The following TRIM33 variants were observed in gnomAD, a reference collection of about 807,000 sequenced individuals.
TRIM33 encodes tripartite motif containing 33, also known as E3 ubiquitin-protein ligase TRIM33.
TRIM33 carries 20 observed loss-of-function variants against 125.4 expected under a neutral mutation model. The observed-to-expected ratio is 0.16, with a 90% CI of 0.11 to 0.23. TRIM33 has a LOEUF of 0.23. TRIM33 is among the 10% of genes least tolerant of loss of function. The probability of loss-of-function intolerance (pLI) is 1.00; values close to 1 mark genes in which losing one functional copy is unlikely to be tolerated. For missense variants in TRIM33, 920 were observed against 1,411.4 expected (o/e 0.65, Z 5.58); for synonymous variants, 564 against 513.9 (o/e 1.10, Z -1.32).
chr1:114,504,950 C>A (rs184104966), intron 1 of TRIM33, among the ~76,000 whole-genome samples: 22 of 152,276 alleles, frequency 1.4e-4, no homozygotes, highest in Admixed American at 1.2e-3. Flanking sequence ...GTCACAAAGA[C>A]AACGGGGGGA....
intron 13 of TRIM33, 71 bp downstream of exon 13, chr1:114,408,606 T>A: frequency 1.0e-6 from 1 of 997,400 alleles, no homozygotes; most frequent in Non-Finnish European, 1.5e-6. Context: ...CACTGTAATA[T>A]TCTACTTTTA....
At position 114,402,995 on chromosome 1, in the gene TRIM33, AG is replaced by A. The variant is rs1159426534; in HGVS notation, c.2769-113del. 6 of 1,145,320 alleles carry A rather than the reference AG, an allele frequency of 5.2e-6. No individual in the cohort carries two copies. The African/African-American group carries it at 9.5e-5, about 18-fold the overall frequency. The allele number at this position is 1,145,320 out of a possible 1,614,324, so 70.9% of individuals were successfully genotyped here. ...ATTTTCTTAATAATTTTTTGAAAAA[AG>A]GGAGGTTTTATAGTTGTGAAATCTC... On this transcript the variant is annotated intron_variant, in intron 15 of 19. Transcript: ENST00000358465.
intron 4 of TRIM33, among the ~76,000 whole-genome samples, chr1:114,437,431 T>C (rs747812408): frequency 6.6e-6 from 1 of 152,174 alleles, no homozygotes; most frequent in African/African-American, 2.4e-5. Flanking sequence ...TTGTACCTCC[T>C]GGGTGCAAGC....
intron 11 of TRIM33, among the ~76,000 whole-genome samples, chr1:114,413,501 T>G (rs373687846): frequency 1.1e-4 from 16 of 142,528 alleles, no homozygotes; most frequent in Middle Eastern, 3.8e-3. Context: ...GAGGTTAAGG[T>G]GAGTCAAGAT....
Position 114,474,578 on chromosome 1 carries a change from T to TTAAA in TRIM33, c.527-10191_527-10190insTTTA, listed in dbSNP as rs367805199. On this transcript the variant is annotated intron_variant, in intron 1 of 19. Coordinates refer to ENST00000358465, the MANE Select transcript of TRIM33 (RefSeq NM_015906.4). ...GACTGAGCAAGACCTTGTCTCTATT[T>TTAAA]AAAAAAAAAAAAAAAAAAAAAAAGG... 3.8e-5 allele frequency among the ~76,000 whole-genome samples: 3 copies of TTAAA among 78,980 alleles called. No homozygotes were observed. In the Admixed American group the frequency reaches 4.7e-4, roughly 12 times the overall value. The allele number at this position is 78,980 out of a possible 152,430, so 51.8% of individuals were successfully genotyped here. A position where few individuals can be genotyped will look rare whatever the true frequency, so the allele number is the denominator to read the frequency against.
intron 1 of TRIM33, among the ~76,000 whole-genome samples, chr1:114,498,640 A>G (rs894432422): frequency 1.3e-5 from 2 of 152,192 alleles, no homozygotes; most frequent in East Asian, 1.9e-4. Context: ...TCAAAAAAAA[A>G]AGAAATGTAC....
intron 4 of TRIM33, among the ~76,000 whole-genome samples, chr1:114,461,465 A>G (rs1193196480): frequency 6.6e-6 from 1 of 151,604 alleles, no homozygotes; most frequent in African/African-American, 2.4e-5. Context: ...TCTGGACACC[A>G]AGCTGGCGAG....
chr1:114,503,108 G>T (rs928645927), intron 1 of TRIM33, among the ~76,000 whole-genome samples: 2 of 152,160 alleles, frequency 1.3e-5, no homozygotes, highest in East Asian at 3.8e-4. Context: ...AACTTAAGAA[G>T]AATATTTATT....
At chr1:114,406,265 C>T (rs1274101377) in intron 14 of TRIM33, among the ~76,000 whole-genome samples, 3 of 152,132 alleles carry the variant, frequency 2.0e-5, no homozygotes, top group African/African-American at 4.8e-5. Flanking sequence ...CGTAACAATA[C>T]TCCAAAACCA....
chr1:114,461,219 T>A (rs369465776), intron 4 of TRIM33, among the ~76,000 whole-genome samples: 40,723 of 140,544 alleles, frequency 0.29, 6,074 homozygotes, highest in African/African-American at 0.33. Flanking sequence ...TTTAAAAATA[T>A]ATATATATAT....
intron 10 of TRIM33, among the ~76,000 whole-genome samples, chr1:114,422,380 TG>T (rs1418223944): frequency 6.6e-6 from 1 of 152,192 alleles, no homozygotes; most frequent in African/African-American, 2.4e-5. Flanking sequence ...AAGGTGTACT[TG>T]GCCCCTAGAA....
At position 114,406,925 on chromosome 1, in the gene TRIM33, T is replaced by C. The variant is rs775747305; in HGVS notation, c.2418+16A>G. Reference sequence around the variant, plus strand: ...TGATGTCCTTAAGTCCCTGTCAGACTCCAGTGGGAGCTTACCATGCAAGCA... The same window carrying C: ...TGATGTCCTTAAGTCCCTGTCAGACCCCAGTGGGAGCTTACCATGCAAGCA... On this transcript the variant is annotated intron_variant, in intron 14 of 19. Coordinates refer to ENST00000358465, the MANE Select transcript of TRIM33 (RefSeq NM_015906.4). 2.6e-5 allele frequency: 42 copies of C among 1,611,836 alleles called. No individual in the cohort carries two copies. The highest frequency in any genetic ancestry group is 6.7e-5 in the Admixed American group (4 of 59,874).
At chr1:114,487,896 T>A (rs1651806927) in intron 1 of TRIM33, among the ~76,000 whole-genome samples, 1 of 94,738 alleles carries the variant, frequency 1.1e-5, no homozygotes, top group Admixed American at 1.7e-4. Context: ...AGAGCGAGAC[T>A]CCGTCTCAAA....
chr1:114,398,971 A>C (rs2101076992), intron 18 of TRIM33, among the ~76,000 whole-genome samples: 1 of 151,540 alleles, frequency 6.6e-6, no homozygotes, highest in African/African-American at 2.4e-5. Context: ...ACATAACCAA[A>C]ATTAATCAAA....
intron 1 of TRIM33, among the ~76,000 whole-genome samples, chr1:114,486,396 C>CAG (rs1651689930): frequency 6.6e-6 from 1 of 151,424 alleles, no homozygotes; most frequent in Admixed American, 6.6e-5. Flanking sequence ...TGGAGACGGG[C>CAG]AGATAACTTG....
At chr1:114,444,343 G>A (rs1392524687) in intron 4 of TRIM33, among the ~76,000 whole-genome samples, 6 of 152,162 alleles carry the variant, frequency 3.9e-5, no homozygotes, top group Non-Finnish European at 5.9e-5. Flanking sequence ...GCAGACTGCC[G>A]TTGCTATAAA....
Position 114,410,336 on chromosome 1 carries a change from A to G in TRIM33, c.2062-20T>C, listed in dbSNP as rs1157593641. 3.7e-6 allele frequency: 6 copies of G among 1,603,308 alleles called. No individual in the cohort carries two copies. The highest frequency in any genetic ancestry group is 5.1e-6 in the Non-Finnish European group (6 of 1,177,096). On this transcript the variant is annotated intron_variant, in intron 11 of 19. Transcript: ENST00000358465. ...TTCCAACTGAAGAGAAAGAAGATAA[A>G]GACAAATTTGCTTTGATTAAAGCAG...
chr1:114,407,098 C>G lies in TRIM33; in HGVS notation c.2261G>C (p.Cys754Ser). 6.2e-7 allele frequency: 1 copy of G among 1,610,994 alleles called. No individual in the cohort carries two copies. Among genetic ancestry groups the G allele is most frequent in the South Asian group, 1.1e-5 (1 of 90,518 alleles). The change falls in exon 14 of 20, where the codon TGT becomes TCT. Residue 754 changes from cysteine to serine, a missense_variant and splice_region_variant. Cys to Ser is a moderately radical substitution (Grantham distance 112). Coordinates refer to ENST00000358465, the MANE Select transcript of TRIM33 (RefSeq NM_015906.4). ...CTCAGCAGTTCTTCCTGATGACCCA[C>G]AGCTAATAAGAAACAACAAATAAAG... ...STSSTGSRGS[C>S]GSSGRTAEKT...
chr1:114,495,532 C>T (rs555105785), intron 1 of TRIM33, among the ~76,000 whole-genome samples: 1 of 152,150 alleles, frequency 6.6e-6, no homozygotes, highest in South Asian at 2.1e-4. Flanking sequence ...TTATCTTTAA[C>T]GTAAGATAAA....
Sources: gnomAD v4.1 joint callset for allele counts (sites outside exome capture counted in the v4.1 genomes callset) on GRCh38, gnomAD v4.1.1 for gene constraint, MANE v1.5 for transcripts, NCBI Gene and HGNC (gene_info 2026-07-23, HGNC 2026-07-21) for gene names.